CCPG1: variants seen among roughly 807,000 people sequenced by gnomAD.
CCPG1 encodes the protein cell cycle progression protein 1.
A neutral mutation model predicts 81.3 loss-of-function variants in CCPG1; 46 were observed. That is an observed-to-expected ratio of 0.57 (90% confidence interval 0.45 to 0.72). The LOEUF (loss-of-function observed/expected upper bound fraction) is 0.72, where lower values mean the gene tolerates loss of function less well. Ranked by LOEUF, CCPG1 falls within the 30% of genes least tolerant of loss-of-function variation. The pLI, the probability that CCPG1 is intolerant of heterozygous loss-of-function variation, is 0.00. For synonymous variants in CCPG1, 330 were observed against 305.2 expected (o/e 1.08, Z -0.85); for missense variants, 902 against 937.6 (o/e 0.96, Z 0.50).
Position 55,385,609 on chromosome 15 carries a change from C to A in CCPG1, c.166G>T (p.Glu56Ter). 1 of 1,575,290 alleles carries A rather than the reference C, an allele frequency of 6.3e-7. No individual in the cohort carries two copies. The highest frequency in any genetic ancestry group is 8.7e-7 in the Non-Finnish European group (1 of 1,154,408). Residue 56 changes from glutamate (E) to a stop codon, truncating the protein, a stop_gained, in exon 3 of 9, where the codon GAG (glutamate) becomes TAG (stop). Coordinates refer to ENST00000442196, the MANE Select transcript of CCPG1 (RefSeq NM_001204450.2). LOFTEE classifies it high-confidence loss of function. ...EQEELQALQIEQGESSQNGTV... is the reference protein window; with the variant it reads ...EQEELQALQI ...TTTGTGAACAACTTACCTCCTTGCT[C>A]TATCTGCAATGCTTGAAGCTCCTCT...
chr15:55,405,098 C>T (rs1021643741), intron 1 of CCPG1, among the ~76,000 whole-genome samples: 5 of 152,012 alleles, frequency 3.3e-5, no homozygotes, highest in Admixed American at 1.3e-4. Flanking sequence ...CAGTGGGTCA[C>T]GTCTGTAATC....
intron 1 of CCPG1, among the ~76,000 whole-genome samples, chr15:55,400,469 C>T (rs1434651565): frequency 6.6e-6 from 1 of 152,066 alleles, no homozygotes; most frequent in Non-Finnish European, 1.5e-5. Flanking sequence ...GATCACACCA[C>T]TGCACTAAGG....
intron 1 of CCPG1, among the ~76,000 whole-genome samples, chr15:55,398,767 A>T (rs575367324): frequency 6.6e-6 from 1 of 152,140 alleles, no homozygotes; most frequent in Non-Finnish European, 1.5e-5. Flanking sequence ...TTTTTAGTAG[A>T]GATGCGGTTT....
At chr15:55,381,719 T>C (rs750854526) in intron 3 of CCPG1, among the ~76,000 whole-genome samples, 17 of 152,226 alleles carry the variant, frequency 1.1e-4, no homozygotes, top group Non-Finnish European at 2.2e-4. Context: ...AATGAAGTAA[T>C]TTAAATATGA....
intron 1 of CCPG1, among the ~76,000 whole-genome samples, chr15:55,395,141 GT>G (rs1833164333): frequency 1.3e-5 from 2 of 152,076 alleles, no homozygotes; most frequent in African/African-American, 4.8e-5. Flanking sequence ...AACCCCTGGT[GT>G]TTTGGTAACA....
At chr15:55,399,418 A>C (rs1566984344) in intron 1 of CCPG1, among the ~76,000 whole-genome samples, 1 of 84,010 alleles carries the variant, frequency 1.2e-5, no homozygotes, top group Non-Finnish European at 2.2e-5. Context: ...CTAAAAATAC[A>C]AAAAAAAAAA....
chr15:55,361,601 G>A (rs973120824), intron 7 of CCPG1, among the ~76,000 whole-genome samples: 2 of 151,636 alleles, frequency 1.3e-5, no homozygotes, highest in Non-Finnish European at 2.9e-5. Context: ...AGCTACTTGG[G>A]AGGATGAGGC....
At chr15:55,384,235 C>G (rs1466230724) in intron 3 of CCPG1, among the ~76,000 whole-genome samples, 1 of 152,162 alleles carries the variant, frequency 6.6e-6, no homozygotes, top group Non-Finnish European at 1.5e-5. Flanking sequence ...TCAGAACACA[C>G]ACATTTATTA....
Position 55,360,088 on chromosome 15 carries a change from G to T in CCPG1, c.1685C>A (p.Pro562Gln), listed in dbSNP as rs772165467. The T allele has an allele frequency of 6.2e-7, 1 of 1,613,302 alleles. No individual in the cohort carries two copies. The highest frequency in any genetic ancestry group is 1.1e-5 in the South Asian group (1 of 91,020). Residue 562 changes from proline to glutamine, a missense_variant, in exon 8 of 9, where the codon CCA (proline) becomes CAA (glutamine). Physicochemically the swap from Pro to Gln is moderately conservative, Grantham distance 76. Transcript: ENST00000442196. Reference sequence around the variant, plus strand: ...TAAATAGTCACTAAAAACTGTTCTTGGTTTTTCAGCTGCTTCTTTTGTAGC... The same window carrying T: ...TAAATAGTCACTAAAAACTGTTCTTTGTTTTTCAGCTGCTTCTTTTGTAGC... ...FGATKEAAEK[P>Q]RTVFSDYLHP...
chr15:55,359,657 C>T lies in CCPG1; in HGVS notation c.2116G>A (p.Asp706Asn). ...LFTDFVNDVK[D>N]YLRNMKEYEV... ...TATTCCTTCATGTTTCTAAGATAAT[C>T]TTTAACATCATTAACAAAGTCAGTG... The change falls in exon 8 of 9, where the codon GAT becomes AAT. Residue 706 changes from aspartate to asparagine, a missense_variant. By Grantham distance (23) the Asp-to-Asn change is conservative. This residue lies in a region of CCPG1 where 128 missense variants were observed against 161.2 expected (regional missense o/e 0.79). Coordinates refer to ENST00000442196, the MANE Select transcript of CCPG1 (RefSeq NM_001204450.2). 6.2e-7 allele frequency: 1 copy of T among 1,613,370 alleles called. No homozygotes were observed. Among genetic ancestry groups the T allele is most frequent in the South Asian group, 1.1e-5 (1 of 91,008 alleles).
intron 7 of CCPG1, among the ~76,000 whole-genome samples, chr15:55,361,282 C>T (rs933085398): frequency 1.3e-5 from 2 of 151,716 alleles, no homozygotes; most frequent in Non-Finnish European, 2.9e-5. Flanking sequence ...ACTCTCCAGC[C>T]TCCCAAAGTG....
At chr15:55,388,588 A>G (rs1420993793) in intron 2 of CCPG1, among the ~76,000 whole-genome samples, 1 of 152,212 alleles carries the variant, frequency 6.6e-6, no homozygotes, top group Admixed American at 6.5e-5. Flanking sequence ...AACAGTATGT[A>G]TCACAGTGAA....
chr15:55,383,322 A>T (rs921465529), intron 3 of CCPG1, among the ~76,000 whole-genome samples: 2 of 152,214 alleles, frequency 1.3e-5, no homozygotes, highest in African/African-American at 4.8e-5. Context: ...CATGTTGTAA[A>T]CACATGGCTG....
intron 6 of CCPG1, among the ~76,000 whole-genome samples, chr15:55,371,217 T>G (rs888662155): frequency 6.6e-6 from 1 of 152,234 alleles, no homozygotes; most frequent in African/African-American, 2.4e-5. Context: ...TTTAAAAGCT[T>G]TGAATTGATA....
chr15:55,389,276 G>T, intron 2 of CCPG1, 89 bp downstream of exon 2: 1 of 959,490 alleles, frequency 1.0e-6, no homozygotes, highest in Non-Finnish European at 1.6e-6. Flanking sequence ...CTTAAAGGTA[G>T]AAAAAGACTG....
rs142126278 is a variant in CCPG1 at position 55,364,860 on chromosome 15, G to A, written c.828+328C>T. Among the ~76,000 whole-genome samples, 208 of 152,198 alleles carry A rather than the reference G, an allele frequency of 1.4e-3. 1 individual carries two copies. Among genetic ancestry groups the A allele is most frequent in the African/African-American group, 4.6e-3 (192 of 41,548 alleles). On this transcript the variant is annotated intron_variant, in intron 7 of 8. Coordinates refer to ENST00000442196, the MANE Select transcript of CCPG1 (RefSeq NM_001204450.2). ...TGCACTCCAGCCTGGGCAACAGAGC[G>A]AGACTCCATCTCAAATAAATAAACA...
rs1290299315 is a variant in CCPG1 at position 55,355,403 on chromosome 15, G to A, written c.*817C>T. On this transcript the variant is annotated 3_prime_UTR_variant, in exon 9 of 9. Transcript: ENST00000442196. ...ATATGTCTATGAACGGAAGTTAAAA[G>A]GGAAATTCAACATGAAGATGAAATT... 6.2e-7 allele frequency: 1 copy of A among 1,607,378 alleles called. No individual in the cohort carries two copies. The highest frequency in any genetic ancestry group is 8.5e-7 in the Non-Finnish European group (1 of 1,177,334).
intron 7 of CCPG1, among the ~76,000 whole-genome samples, chr15:55,362,033 A>G (rs2056211222): frequency 6.6e-6 from 1 of 152,220 alleles, no homozygotes; most frequent in Admixed American, 6.5e-5. Context: ...GAAAGTCAGC[A>G]CCCGTGGTAG....
intron 8 of CCPG1, chr15:55,357,295 C>G: frequency 1.0e-6 from 1 of 983,952 alleles, no homozygotes; most frequent in Non-Finnish European, 1.2e-6. Flanking sequence ...TTCTCCTTCA[C>G]AAGAAATATC....
Sources: allele counts gnomAD v4.1 joint callset (sites outside exome capture counted in the v4.1 genomes callset), GRCh38; gene constraint gnomAD v4.1.1; regional missense constraint gnomAD v4.1.1; transcripts MANE v1.5; gene names NCBI Gene and HGNC (gene_info 2026-07-23, HGNC 2026-07-21).